The following SHANK2 variants were observed in gnomAD, a reference collection of about 807,000 sequenced individuals.
SHANK2 encodes the protein SH3 and multiple ankyrin repeat domains protein 2.
In SHANK2, 43 loss-of-function variants were observed where a neutral mutation model predicts 133.7. That is an observed-to-expected ratio of 0.32 (90% CI 0.25 to 0.41). SHANK2 has a LOEUF of 0.41. Ranked by LOEUF, SHANK2 falls within the 10% of genes least tolerant of loss-of-function variation. SHANK2 has a pLI of 1.00. For synonymous variants in SHANK2, 1,017 were observed against 952.8 expected, an observed-to-expected ratio of 1.07 and a Z score of -1.24; for missense variants, 1,994 against 2,235.8, an observed-to-expected ratio of 0.89 and a Z score of 2.18.
At chr11:71,140,101 T>TCAGC (rs1368797333) in intron 3 of SHANK2, among the ~76,000 whole-genome samples, 3 of 152,198 alleles carry the variant, frequency 2.0e-5, no homozygotes, top group African/African-American at 7.2e-5. Flanking sequence ...CACAGAGGAC[T>TCAGC]CAGCCCCACA....
At chr11:70,891,448 G>A (rs1384055183) in intron 11 of SHANK2, among the ~76,000 whole-genome samples, 1 of 152,144 alleles carries the variant, frequency 6.6e-6, no homozygotes, top group East Asian at 1.9e-4. Flanking sequence ...CTTGCAGTGA[G>A]CCGAGATCGC....
chr11:70,606,468 C>A (rs1014420295), intron 17 of SHANK2, among the ~76,000 whole-genome samples: 1 of 130,188 alleles, frequency 7.7e-6, no homozygotes, highest in Non-Finnish European at 1.5e-5. Context: ...GTGATTGTAC[C>A]ACTGAACTCC....
chr11:71,132,597 G>A (rs1952339050), intron 3 of SHANK2, among the ~76,000 whole-genome samples: 1 of 152,156 alleles, frequency 6.6e-6, no homozygotes, highest in South Asian at 2.1e-4. Flanking sequence ...TGCAAACTGG[G>A]CCAATCTCTC....
At chr11:70,950,456 G>A (rs1555086299) in intron 10 of SHANK2, among the ~76,000 whole-genome samples, 1 of 152,314 alleles carries the variant, frequency 6.6e-6, no homozygotes, top group South Asian at 2.1e-4. Flanking sequence ...CCCCCAAAGT[G>A]CTGGGATTAC....
At chr11:70,543,185 CCA>C (rs1309256737) in intron 17 of SHANK2, among the ~76,000 whole-genome samples, 1 of 152,172 alleles carries the variant, frequency 6.6e-6, no homozygotes. Flanking sequence ...CACGGAGGAG[CCA>C]CACACAGTCT....
Position 70,896,497 on chromosome 11 carries a change from T to G in SHANK2, c.1174+4A>C, listed in dbSNP as rs1555075710. 2.8e-6 allele frequency: 2 copies of G among 716,422 alleles called. No homozygotes were observed. The highest frequency in any genetic ancestry group is 3.0e-5 in the South Asian group (2 of 67,286). 44.4% of individuals were successfully genotyped at this position (716,422 alleles called of 1,614,324 possible). On this transcript the variant is annotated splice_donor_region_variant and intron_variant, in intron 11 of 25. Coordinates refer to ENST00000601538, the MANE Select transcript of SHANK2 (RefSeq NM_012309.5). ...CAACACAGTTTCTCCACGTGCCTAC[T>G]CACCAATGTCTGTTTCCTTGTGGTT... is the stretch of plus-strand genomic sequence containing the variant.
At chr11:70,512,140 G>A (rs1591522862) in intron 17 of SHANK2, among the ~76,000 whole-genome samples, 1 of 152,176 alleles carries the variant, frequency 6.6e-6, no homozygotes, top group African/African-American at 2.4e-5. Context: ...TGGTGATTTT[G>A]GACCAATTAA....
At chr11:70,701,239 G>T (rs1945512510) in intron 14 of SHANK2, among the ~76,000 whole-genome samples, 1 of 152,116 alleles carries the variant, frequency 6.6e-6, no homozygotes, top group Non-Finnish European at 1.5e-5. Context: ...GCTAGGTAAG[G>T]TAGCCAGTGT....
At chr11:71,194,075 C>T (rs150159004) in intron 2 of SHANK2, among the ~76,000 whole-genome samples, 183 of 152,284 alleles carry the variant, frequency 1.2e-3, no homozygotes, top group Non-Finnish European at 2.2e-3. Context: ...TTCCCATTTT[C>T]CATGGAAATC....
chr11:70,533,952 T>C (rs1185167297), intron 17 of SHANK2, among the ~76,000 whole-genome samples: 1 of 152,208 alleles, frequency 6.6e-6, no homozygotes, highest in Non-Finnish European at 1.5e-5. Context: ...TTCTTCCTCT[T>C]TATGGCCAAG....
intron 14 of SHANK2, among the ~76,000 whole-genome samples, chr11:70,741,038 C>A (rs1565283745): frequency 1.3e-5 from 2 of 152,178 alleles, no homozygotes; most frequent in African/African-American, 2.4e-5. Context: ...TCAACTTCCG[C>A]TCATCCCATC....
intron 9 of SHANK2, among the ~76,000 whole-genome samples, chr11:71,070,929 G>A (rs977790778): frequency 6.6e-6 from 1 of 152,218 alleles, no homozygotes; most frequent in African/African-American, 2.4e-5. Context: ...GGCAGCTGAG[G>A]CATAGGACAG....
intron 14 of SHANK2, among the ~76,000 whole-genome samples, chr11:70,741,382 T>G (rs1296800182): frequency 6.6e-6 from 1 of 151,870 alleles, no homozygotes; most frequent in Non-Finnish European, 1.5e-5. Flanking sequence ...CCTCCATCCA[T>G]CCCACCCATA....
intron 2 of SHANK2, among the ~76,000 whole-genome samples, chr11:71,195,253 G>A (rs1485136121): frequency 2.0e-5 from 3 of 152,218 alleles, no homozygotes; most frequent in East Asian, 3.9e-4. Context: ...TTAGCCAGGC[G>A]TGGTGGCGGG....
chr11:70,736,383 G>T (rs1046025207), intron 14 of SHANK2, among the ~76,000 whole-genome samples: 1 of 152,164 alleles, frequency 6.6e-6, no homozygotes, highest in South Asian at 2.1e-4. Flanking sequence ...CTCCTTGTAG[G>T]TGTGATTGAG....
chr11:70,660,968 G>A (rs1277824290), intron 16 of SHANK2, among the ~76,000 whole-genome samples: 4 of 152,242 alleles, frequency 2.6e-5, no homozygotes, highest in Admixed American at 6.5e-5. Flanking sequence ...GGGAAGCTGC[G>A]CGTGCAGGGT....
intron 2 of SHANK2, among the ~76,000 whole-genome samples, chr11:71,190,784 C>T (rs534988356): frequency 2.6e-5 from 4 of 152,202 alleles, no homozygotes; most frequent in Non-Finnish European, 4.4e-5. Context: ...CCCTGGGCTG[C>T]GTGGCCTGCA....
At chr11:70,954,291 G>A (rs943456351) in intron 10 of SHANK2, among the ~76,000 whole-genome samples, 5 of 152,196 alleles carry the variant, frequency 3.3e-5, no homozygotes, top group East Asian at 1.9e-4. Flanking sequence ...AAAGTGCAAC[G>A]CCAGGAACCA....
intron 14 of SHANK2, among the ~76,000 whole-genome samples, chr11:70,701,314 C>A (rs1486059971): frequency 3.9e-5 from 6 of 152,180 alleles, no homozygotes; most frequent in Non-Finnish European, 5.9e-5. Flanking sequence ...TGTAGACTAA[C>A]ATAACATTCA....
Sources: gnomAD v4.1 joint callset for allele counts (sites outside exome capture counted in the v4.1 genomes callset) on GRCh38, gnomAD v4.1.1 for gene constraint, MANE v1.5 for transcripts, NCBI Gene and HGNC (gene_info 2026-07-23, HGNC 2026-07-21) for gene names.